Variants in CNTN1 observed in about 807,000 individuals in gnomAD.
CNTN1 encodes the protein contactin 1, also known as contactin-1.
Under a neutral mutation model 126.4 loss-of-function variants are expected in CNTN1, and 38 were observed. The ratio of observed to expected loss-of-function variants is 0.30; its 90% confidence interval spans 0.23 to 0.39. The LOEUF is 0.39. Ranked by LOEUF, CNTN1 falls within the 10% of genes least tolerant of loss-of-function variation. The pLI is 1.00. For missense variants in CNTN1, 1,009 were observed against 1,248.4 expected (o/e 0.81, Z 2.89); for synonymous variants, 413 against 422.6 (o/e 0.98, Z 0.28).
chr12:40,798,941 G>A (rs954845502), intron 1 of CNTN1, among the ~76,000 whole-genome samples: 4 of 151,746 alleles, frequency 2.6e-5, no homozygotes, highest in African/African-American at 9.7e-5. Context: ...CTAGTCAGAA[G>A]CAGAATACAA....
chr12:40,920,336 AGCTTT>A (rs111337427), intron 4 of CNTN1, among the ~76,000 whole-genome samples: 38,254 of 151,622 alleles, frequency 0.25, 5,212 homozygotes, highest in Middle Eastern at 0.34. Context: ...TAAAAAGCAA[AGCTTT>A]GCTTTGCCAG....
intron 1 of CNTN1, among the ~76,000 whole-genome samples, chr12:40,721,132 C>T (rs1942198292): frequency 6.6e-6 from 1 of 151,940 alleles, no homozygotes; most frequent in African/African-American, 2.4e-5. Context: ...TTTCGGAATC[C>T]CAGGCATCAC....
chr12:40,788,222 T>C (rs1387354916), intron 1 of CNTN1, among the ~76,000 whole-genome samples: 2 of 152,154 alleles, frequency 1.3e-5, no homozygotes, highest in Non-Finnish European at 2.9e-5. Flanking sequence ...AGTTCATCCA[T>C]TGATTTCTGT....
rs200962658 is a variant in CNTN1 at position 40,940,174 on chromosome 12, T to TTGAGGGTGTATG, written c.1379+717_1379+728dup. On this transcript the variant is annotated intron_variant, in intron 12 of 23. Coordinates refer to ENST00000551295, the MANE Select transcript of CNTN1 (RefSeq NM_001843.4). The stretch of plus-strand genomic sequence containing the variant: ...GGAGGGATGGGATGTGTGGGTTGGC[T>TTGAGGGTGTATG]TGAGGGTGTATGTGAGGGTGTATGT... 3.1e-3 allele frequency among the ~76,000 whole-genome samples: 465 copies of TTGAGGGTGTATG among 151,812 alleles called. 4 individuals carry two copies. The highest frequency in any genetic ancestry group is 0.011 in the African/African-American group (436 of 41,320).
intron 1 of CNTN1, among the ~76,000 whole-genome samples, chr12:40,707,216 C>A (rs1255461912): frequency 1.5e-5 from 2 of 130,476 alleles, no homozygotes; most frequent in East Asian, 4.1e-4. Flanking sequence ...TCTTTCATTT[C>A]TTTTCTTTTT....
intron 1 of CNTN1, among the ~76,000 whole-genome samples, chr12:40,704,420 T>C (rs1489085765): frequency 6.6e-6 from 1 of 152,180 alleles, no homozygotes; most frequent in East Asian, 1.9e-4. Flanking sequence ...AGGTATCTTA[T>C]GAAAACTCCC....
chr12:40,924,582 A>C lies in CNTN1; in HGVS notation c.426A>C (p.Glu142Asp), dbSNP rs1384383467. The C allele has an allele frequency of 6.3e-7, 1 of 1,599,018 alleles. No individual in the cohort carries two copies. Among genetic ancestry groups the C allele is most frequent in the South Asian group, 1.1e-5 (1 of 90,716 alleles). Residue 142 changes from glutamate (E) to aspartate (D), a missense_variant, in exon 6 of 24, where the codon GAA becomes GAC. Coordinates refer to ENST00000551295, the MANE Select transcript of CNTN1 (RefSeq NM_001843.4). Reference protein sequence around the residue: ...FGYLDPFPPEERPEVRVKEGK... With the variant: ...FGYLDPFPPEDRPEVRVKEGK... Reference sequence around the variant, plus strand: ...ATCTTGATCCTTTCCCACCTGAGGAACGTCCTGAGGTCAGAGTAAAAGAAG... The same window carrying C: ...ATCTTGATCCTTTCCCACCTGAGGACCGTCCTGAGGTCAGAGTAAAAGAAG...
intron 23 of CNTN1, among the ~76,000 whole-genome samples, chr12:41,061,065 A>G (rs1227363590): frequency 1.3e-5 from 2 of 152,210 alleles, no homozygotes; most frequent in African/African-American, 4.8e-5. Context: ...GTGAGTGGTA[A>G]CAGTATGCAG....
At chr12:40,831,066 GTATATATACTATACATATAC>G (rs1180473227) in intron 1 of CNTN1, among the ~76,000 whole-genome samples, 1 of 136,442 alleles carries the variant, frequency 7.3e-6, no homozygotes, top group Non-Finnish European at 1.5e-5. Flanking sequence ...ATACAATACA[GTATATATACTATACATATAC>G]TATATATACT....
chr12:40,967,079 A>G (rs1164540591), intron 15 of CNTN1, among the ~76,000 whole-genome samples: 1 of 152,062 alleles, frequency 6.6e-6, no homozygotes, highest in African/African-American at 2.4e-5. Flanking sequence ...AGGCAGGAGA[A>G]TTGCTTGAAC....
rs78209982 is a variant in CNTN1 at position 40,751,443 on chromosome 12, G to A, written c.-77+58851G>A. Among the ~76,000 whole-genome samples, 131 of 152,092 alleles carry A rather than the reference G, an allele frequency of 8.6e-4. 2 individuals are homozygous for A. In the East Asian group the frequency reaches 0.024, roughly 28 times the overall value. Reference sequence around the variant, plus strand: ...CTATCCTCAAATTTCTTACATTCTAGGTTAGGTTCTTTCTTTTAGCCTGGA... The same window carrying A: ...CTATCCTCAAATTTCTTACATTCTAAGTTAGGTTCTTTCTTTTAGCCTGGA... On this transcript the variant is annotated intron_variant, in intron 1 of 23. Coordinates refer to ENST00000551295, the MANE Select transcript of CNTN1 (RefSeq NM_001843.4).
At chr12:40,846,393 C>T (rs915115205) in intron 1 of CNTN1, among the ~76,000 whole-genome samples, 8 of 152,090 alleles carry the variant, frequency 5.3e-5, no homozygotes, top group Non-Finnish European at 1.2e-4. Flanking sequence ...GCGTGAATCC[C>T]GGGGGCGGAG....
intron 19 of CNTN1, among the ~76,000 whole-genome samples, chr12:41,017,670 C>T (rs1200200478): frequency 6.6e-6 from 1 of 152,018 alleles, no homozygotes; most frequent in Non-Finnish European, 1.5e-5. Flanking sequence ...ACTTAACTAA[C>T]CATGGTCATA....
Position 40,959,126 on chromosome 12 carries a change from G to A in CNTN1, c.1696G>A (p.Gly566Arg). 6.2e-7 allele frequency: 1 copy of A among 1,612,458 alleles called. No individual in the cohort carries two copies. The highest frequency in any genetic ancestry group is 8.5e-7 in the Non-Finnish European group (1 of 1,179,014). The change falls in exon 15 of 24, where the codon GGG becomes AGG. Residue 566 changes from glycine to arginine, a missense_variant. Transcript: ENST00000551295. ...TTTTTGCTAACAGCTGGATTCCAAT[G>A]GGGAATTACTAATCCGAAATGCGCA... ...YQRNFMLDSN[G>R]ELLIRNAQLK...
chr12:40,796,185 G>A (rs1940419512), intron 1 of CNTN1, among the ~76,000 whole-genome samples: 1 of 152,068 alleles, frequency 6.6e-6, no homozygotes, highest in Non-Finnish European at 1.5e-5. Flanking sequence ...GAGGCTTCAT[G>A]GGTTGTGGAA....
chr12:40,715,488 G>T (rs180839082), intron 1 of CNTN1, among the ~76,000 whole-genome samples: 1 of 152,112 alleles, frequency 6.6e-6, no homozygotes, highest in East Asian at 1.9e-4. Flanking sequence ...AAAAGTAACC[G>T]CATGAACTTT....
intron 1 of CNTN1, among the ~76,000 whole-genome samples, chr12:40,769,171 A>C (rs1430618276): frequency 6.6e-6 from 1 of 152,162 alleles, no homozygotes; most frequent in Non-Finnish European, 1.5e-5. Context: ...TGTTATTTTC[A>C]TTCCTAGATT....
chr12:40,773,763 TG>T (rs2136437386), intron 1 of CNTN1, among the ~76,000 whole-genome samples: 1 of 149,072 alleles, frequency 6.7e-6, no homozygotes, highest in East Asian at 2.0e-4. Flanking sequence ...CTGGCAAGTG[TG>T]AGCTGTTATC....
At chr12:40,789,059 A>G (rs1374934601) in intron 1 of CNTN1, among the ~76,000 whole-genome samples, 2 of 152,192 alleles carry the variant, frequency 1.3e-5, no homozygotes, top group Non-Finnish European at 2.9e-5. Context: ...ATTATTTAGT[A>G]TAATTCCTTG....
Sources: allele counts gnomAD v4.1 joint callset (sites outside exome capture counted in the v4.1 genomes callset), GRCh38; gene constraint gnomAD v4.1.1; transcripts MANE v1.5; gene names NCBI Gene and HGNC (gene_info 2026-07-23, HGNC 2026-07-21).